Variants in EFNA5 observed in about 807,000 individuals in gnomAD.
EFNA5 encodes the protein ephrin A5.
Under a neutral mutation model 22.9 loss-of-function variants are expected in EFNA5, and 5 were observed. The observed-to-expected ratio is 0.22, with a 90% CI of 0.11 to 0.46. The LOEUF is 0.46. Among genes scored for constraint, EFNA5 ranks in the 20% least tolerant of loss-of-function variants. The pLI is 0.99. For missense variants in EFNA5, 237 were observed against 293.3 expected, an observed-to-expected ratio of 0.81 and a Z score of 1.40; for synonymous variants, 113 against 112.2, an observed-to-expected ratio of 1.01 and a Z score of -0.04.
At chr5:107,410,017 T>A (rs968237799) in intron 2 of EFNA5, among the ~76,000 whole-genome samples, 1 of 136,838 alleles carries the variant, frequency 7.3e-6, no homozygotes, top group Non-Finnish European at 1.5e-5. Context: ...TTAAGTGACA[T>A]GATTCTTTTT....
intron 1 of EFNA5, among the ~76,000 whole-genome samples, chr5:107,593,613 T>C (rs1254902139): frequency 6.6e-6 from 1 of 152,094 alleles, no homozygotes; most frequent in Non-Finnish European, 1.5e-5. Flanking sequence ...TCAAATTAAA[T>C]GAGGCTTTCT....
intron 1 of EFNA5, among the ~76,000 whole-genome samples, chr5:107,500,650 T>G (rs1561414147): frequency 6.6e-6 from 1 of 152,176 alleles, no homozygotes; most frequent in East Asian, 1.9e-4. Flanking sequence ...GCACACTTGT[T>G]AGTCTTATTT....
intron 2 of EFNA5, among the ~76,000 whole-genome samples, chr5:107,398,567 C>G (rs1747991118): frequency 1.3e-5 from 2 of 152,008 alleles, no homozygotes; most frequent in African/African-American, 4.8e-5. Context: ...TCTGTCGAGG[C>G]CAGGCACAGT....
intron 1 of EFNA5, among the ~76,000 whole-genome samples, chr5:107,565,657 A>G (rs1373258963): frequency 6.6e-6 from 1 of 152,214 alleles, no homozygotes; most frequent in African/African-American, 2.4e-5. Flanking sequence ...ATAACAGCCA[A>G]ATAATGCTAG....
rs764458804 is a variant in EFNA5 at position 107,380,474 on chromosome 5, C to CA, written c.*780dup. 29 of 165,212 alleles carry CA rather than the reference C, an allele frequency of 1.8e-4. No homozygotes were observed. The highest frequency in any genetic ancestry group is 2.9e-4 in the Admixed American group (4 of 13,694). 10.2% of individuals were successfully genotyped at this position (165,212 alleles called of 1,614,324 possible). The stretch of plus-strand genomic sequence containing the variant: ...TATCTGGTGTGCACTGCCCAGTCAC[C>CA]AAAAAAATTAGAGGCACTCACACAT... On this transcript the variant is annotated 3_prime_UTR_variant, in exon 5 of 5. Coordinates refer to ENST00000333274, the MANE Select transcript of EFNA5 (RefSeq NM_001962.3).
intron 1 of EFNA5, among the ~76,000 whole-genome samples, chr5:107,445,959 C>G (rs1001155756): frequency 2.6e-5 from 4 of 152,178 alleles, no homozygotes; most frequent in Non-Finnish European, 4.4e-5. Context: ...GAATAAACAA[C>G]TATTTTATTG....
chr5:107,655,398 G>A lies in EFNA5; in HGVS notation c.125+15091C>T, dbSNP rs76503554. On this transcript the variant is annotated intron_variant, in intron 1 of 4. Coordinates refer to ENST00000333274, the MANE Select transcript of EFNA5 (RefSeq NM_001962.3). ...TAGCTTTCCTATGAGCACAGCGATT[G>A]TAAATATTAAAATGCTGTACTTTTA... Among the ~76,000 whole-genome samples the A allele has an allele frequency of 9.3e-3, 1,413 of 152,204 alleles. 30 individuals are homozygous for A. The highest frequency in any genetic ancestry group is 0.032 in the African/African-American group (1,316 of 41,538).
intron 1 of EFNA5, among the ~76,000 whole-genome samples, chr5:107,557,101 A>G (rs1748437356): frequency 6.6e-6 from 1 of 151,978 alleles, no homozygotes; most frequent in Admixed American, 6.6e-5. Context: ...AACCACCTAC[A>G]TCTCCCTCAT....
At chr5:107,500,274 C>T (rs1482571515) in intron 1 of EFNA5, among the ~76,000 whole-genome samples, 1 of 152,220 alleles carries the variant, frequency 6.6e-6, no homozygotes, top group Non-Finnish European at 1.5e-5. Flanking sequence ...TCACTATTAA[C>T]TGTGGTCTGT....
At chr5:107,476,152 A>T (rs886679161) in intron 1 of EFNA5, among the ~76,000 whole-genome samples, 4 of 146,366 alleles carry the variant, frequency 2.7e-5, no homozygotes, top group African/African-American at 1.0e-4. Flanking sequence ...CCCAAGTTCA[A>T]GCAATTCTCC....
intron 1 of EFNA5, among the ~76,000 whole-genome samples, chr5:107,555,946 A>G (rs986412430): frequency 6.6e-6 from 1 of 152,188 alleles, no homozygotes; most frequent in Non-Finnish European, 1.5e-5. Flanking sequence ...TACTCCTCCT[A>G]TAAAGATCAG....
At chr5:107,625,642 A>C (rs1289850297) in intron 1 of EFNA5, among the ~76,000 whole-genome samples, 2 of 152,170 alleles carry the variant, frequency 1.3e-5, no homozygotes, top group East Asian at 3.8e-4. Flanking sequence ...AAATTAGCTT[A>C]TTCACTGGAA....
At chr5:107,661,158 T>C (rs1361288515) in intron 1 of EFNA5, among the ~76,000 whole-genome samples, 3 of 150,920 alleles carry the variant, frequency 2.0e-5, no homozygotes, top group African/African-American at 7.3e-5. Context: ...AAAAAAGTAT[T>C]AGCTAAATAA....
chr5:107,448,073 G>A (rs1298304468), intron 1 of EFNA5, among the ~76,000 whole-genome samples: 1 of 152,188 alleles, frequency 6.6e-6, no homozygotes, highest in Non-Finnish European at 1.5e-5. Flanking sequence ...TGGGATTATA[G>A]GCATGAGCCA....
chr5:107,490,177 CTTGGG>C (rs779024470), intron 1 of EFNA5, among the ~76,000 whole-genome samples: 4 of 152,156 alleles, frequency 2.6e-5, no homozygotes, highest in Non-Finnish European at 5.9e-5. Context: ...AACTTGTGTG[CTTGGG>C]TGTTCTGTCT....
At chr5:107,589,831 G>T (rs1749279853) in intron 1 of EFNA5, among the ~76,000 whole-genome samples, 1 of 152,202 alleles carries the variant, frequency 6.6e-6, no homozygotes, top group Non-Finnish European at 1.5e-5. Context: ...CTGTTCCACT[G>T]AGTTTTACCC....
chr5:107,476,138 G>A (rs976071487), intron 1 of EFNA5, among the ~76,000 whole-genome samples: 5 of 141,882 alleles, frequency 3.5e-5, no homozygotes, highest in African/African-American at 1.1e-4. Context: ...TGCAACCTCC[G>A]CCTCCCAAGT....
chr5:107,613,825 G>A (rs1275305173), intron 1 of EFNA5, among the ~76,000 whole-genome samples: 2 of 151,932 alleles, frequency 1.3e-5, no homozygotes, highest in African/African-American at 4.8e-5. Flanking sequence ...TTTCAACTAA[G>A]GTCATCATGA....
chr5:107,378,856 A>G lies in EFNA5; in HGVS notation c.*2399T>C, dbSNP rs899272614. ...TGCTAACATAGTTATGACTAACTGG[A>G]ATCATGACAGGATCATTTGATTTCC... On this transcript the variant is annotated 3_prime_UTR_variant, in exon 5 of 5. Transcript: ENST00000333274. The G allele has an allele frequency of 4.6e-5, 7 of 152,194 alleles. No homozygotes were observed. The highest frequency in any genetic ancestry group is 2.9e-5 in the Non-Finnish European group (2 of 68,040). The allele number at this position is 152,194 out of a possible 1,614,324, so 9.4% of individuals were successfully genotyped here. A position where few individuals can be genotyped will look rare whatever the true frequency, so the allele number is the denominator to read the frequency against.
Sources: allele counts gnomAD v4.1 joint callset (sites outside exome capture counted in the v4.1 genomes callset), GRCh38; gene constraint gnomAD v4.1.1; transcripts MANE v1.5; gene names NCBI Gene and HGNC (gene_info 2026-07-23, HGNC 2026-07-21).